Variants in C1orf159 observed in about 807,000 individuals in gnomAD.
C1orf159 encodes the protein chromosome 1 open reading frame 159, also known as uncharacterized protein C1orf159.
A neutral mutation model predicts 25.6 loss-of-function variants in C1orf159; 19 were observed. The observed-to-expected ratio is 0.74, with a 90% confidence interval of 0.52 to 1.09. The LOEUF (loss-of-function observed/expected upper bound fraction) is 1.09, where lower values mean the gene tolerates loss of function less well. Among genes scored for constraint, C1orf159 ranks in the 50% least tolerant of loss-of-function variants. C1orf159 has a pLI of 0.00. For missense variants in C1orf159, 274 were observed against 290.6 expected (o/e 0.94, Z 0.42); for synonymous variants, 139 against 124.7 (o/e 1.12, Z -0.77).
chr1:1,110,754 G>A lies in C1orf159; in HGVS notation c.-136+5306C>T, dbSNP rs970865303. Among the ~76,000 whole-genome samples, 5 of 152,314 alleles carry A rather than the reference G, an allele frequency of 3.3e-5. No homozygotes were observed. The highest frequency in any genetic ancestry group is 5.9e-5 in the Non-Finnish European group (4 of 68,024). ...CTTCAGACAGCGGAAACCCACCCGG[G>A]CGCCCTCAGAGACGACGAGCACGCA... On this transcript the variant is annotated intron_variant, in intron 1 of 9. Coordinates refer to ENST00000421241, the MANE Select transcript of C1orf159 (RefSeq NM_017891.5). This position sits in a 1 kb window ranked among gnomAD's most constrained non-coding sequence, Gnocchi z 4.8.
At chr1:1,097,935 T>C (rs936505501) in intron 1 of C1orf159, among the ~76,000 whole-genome samples, 3 of 152,208 alleles carry the variant, frequency 2.0e-5, no homozygotes, top group Non-Finnish European at 1.5e-5. Context: ...GGTCTCTGCT[T>C]TCATGCCTTT....
chr1:1,099,494 T>A (rs1221741062), intron 1 of C1orf159, among the ~76,000 whole-genome samples: 8,125 of 114,740 alleles, frequency 0.071, 880 homozygotes, highest in African/African-American at 0.18. Context: ...GGTTAAAATC[T>A]CCGACTATGA....
chr1:1,089,213 G>A lies in C1orf159; in HGVS notation c.148+1140C>T, dbSNP rs1047056860. ...CTGCGCCTGTGCATGGGGCCACCTC[G>A]GCCCTTGGACTTCACGACCCGCTGG... is the stretch of plus-strand genomic sequence containing the variant. On this transcript the variant is annotated intron_variant, in intron 4 of 9. Coordinates refer to ENST00000421241, the MANE Select transcript of C1orf159 (RefSeq NM_017891.5). This position sits in a 1 kb window ranked among gnomAD's most constrained non-coding sequence, Gnocchi z 7.5. Among the ~76,000 whole-genome samples the A allele has an allele frequency of 2.0e-5, 3 of 152,094 alleles. No individual in the cohort carries two copies. The highest frequency in any genetic ancestry group is 2.9e-5 in the Non-Finnish European group (2 of 67,982).
At chr1:1,083,184 GCTTCC>G in intron 9 of C1orf159, 197 bp from the exon 10 acceptor site, 1 of 549,238 alleles carries the variant, frequency 1.8e-6, no homozygotes, top group South Asian at 2.3e-5. Context: ...GAAAGGGACG[GCTTCC>G]TCCTGCCCGG....
chr1:1,104,418 A>C (rs1038691442), intron 1 of C1orf159, among the ~76,000 whole-genome samples: 1 of 152,202 alleles, frequency 6.6e-6, no homozygotes, highest in African/African-American at 2.4e-5. Flanking sequence ...ACTTCCCTCC[A>C]AAATCTGCCA....
chr1:1,093,811 A>G (rs1358227176), intron 1 of C1orf159, among the ~76,000 whole-genome samples: 4 of 152,164 alleles, frequency 2.6e-5, no homozygotes, highest in African/African-American at 9.7e-5. Flanking sequence ...TTGGGAGCAG[A>G]GTGGCTGGCT....
chr1:1,105,605 C>G (rs6697379), intron 1 of C1orf159, among the ~76,000 whole-genome samples: 36,406 of 151,892 alleles, frequency 0.24, 5,889 homozygotes, highest in African/African-American at 0.46. Context: ...GTGTGGACCA[C>G]GCATGGTGGC....
intron 3 of C1orf159, 36 bp from the exon 4 acceptor site, chr1:1,090,464 C>G: frequency 6.5e-7 from 1 of 1,547,384 alleles, no homozygotes; most frequent in Non-Finnish European, 8.7e-7. Flanking sequence ...CCAGGACGCG[C>G]CTGCCAGGCA....
At position 1,087,988 on chromosome 1, in the gene C1orf159, CG is replaced by C. The variant is rs1645861779; in HGVS notation, c.149-392del. 6.6e-6 allele frequency among the ~76,000 whole-genome samples: 1 copy of C among 151,954 alleles called. No individual in the cohort carries two copies. The highest frequency in any genetic ancestry group is 1.5e-5 in the Non-Finnish European group (1 of 67,984). ...CCCCGACCCTGAGTACTCCACACTG[CG>C]TACTTCAGAGAGTGGTAGGCGGCAG... On this transcript the variant is annotated intron_variant, in intron 4 of 9. Coordinates refer to ENST00000421241, the MANE Select transcript of C1orf159 (RefSeq NM_017891.5). This position sits in a 1 kb window ranked among gnomAD's most constrained non-coding sequence, Gnocchi z 8.3.
chr1:1,096,043 T>G (rs968860412), intron 1 of C1orf159, among the ~76,000 whole-genome samples: 1 of 152,228 alleles, frequency 6.6e-6, no homozygotes, highest in Non-Finnish European at 1.5e-5. Flanking sequence ...TGTACTGCCC[T>G]CTTAGGCTAT....
At chr1:1,106,010 CTGAGGTTCTG>C (rs1421303823) in intron 1 of C1orf159, 1 of 152,162 alleles carries the variant, frequency 6.6e-6, no homozygotes. Context: ...AGTCCGCTCG[CTGAGGTTCTG>C]TGAAGTACAT....
At chr1:1,114,986 AAGTAACCAAACACCACCTGTACCCC>A (rs1472364431) in intron 1 of C1orf159, 1 of 152,234 alleles carries the variant, frequency 6.6e-6, no homozygotes, top group African/African-American at 2.4e-5. Flanking sequence ...CCATGTAACC[AAGTAACCAAACACCACCTGTACCCC>A]AGTAACTTAC....
chr1:1,083,155 C>A (rs1645772267), intron 9 of C1orf159, 168 bp from the exon 10 acceptor site: 3 of 565,254 alleles, frequency 5.3e-6, no homozygotes, highest in East Asian at 6.3e-5. Flanking sequence ...CCTAAGGCGC[C>A]CTCAGAGCTC....
chr1:1,093,479 CCA>C (rs1025359595), intron 1 of C1orf159, among the ~76,000 whole-genome samples: 6 of 152,338 alleles, frequency 3.9e-5, no homozygotes, highest in African/African-American at 9.6e-5. Context: ...GTGCCCGGTC[CCA>C]CACAGCTGCC....
chr1:1,110,238 C>A lies in C1orf159; in HGVS notation c.-136+5822G>T, dbSNP rs1646238965. 6.6e-6 allele frequency among the ~76,000 whole-genome samples: 1 copy of A among 152,142 alleles called. No homozygotes were observed. The highest frequency in any genetic ancestry group is 1.5e-5 in the Non-Finnish European group (1 of 68,034). ...TGGCAGTATAACCAGGTGTGTCCAA[C>A]CTCCCATCCTTTTATGGCCGGAAAC... On this transcript the variant is annotated intron_variant, in intron 1 of 9. Transcript: ENST00000421241. The surrounding 1 kb of genome is among the most constrained non-coding windows in gnomAD (Gnocchi z 4.8).
chr1:1,102,951 C>T (rs981787996), intron 1 of C1orf159, among the ~76,000 whole-genome samples: 38 of 151,986 alleles, frequency 2.5e-4, no homozygotes, highest in African/African-American at 8.4e-4. Context: ...GCCTCAGCCT[C>T]CCGAGTAGCT....
intron 1 of C1orf159, among the ~76,000 whole-genome samples, chr1:1,112,191 T>A (rs1646266829): frequency 6.6e-6 from 1 of 152,112 alleles, no homozygotes; most frequent in African/African-American, 2.4e-5. Flanking sequence ...AGGCTCCCAA[T>A]AGCTAGAAAA....
chr1:1,086,107 C>A, intron 6 of C1orf159, 95 bp from the exon 7 acceptor site: 1 of 1,453,266 alleles, frequency 6.9e-7, no homozygotes, highest in South Asian at 1.2e-5. Context: ...ATGCGCTGCT[C>A]TCTGAACATG....
At chr1:1,091,324 G>GAC in intron 3 of C1orf159, 148 bp downstream of exon 3, 1 of 812,568 alleles carries the variant, frequency 1.2e-6, no homozygotes. Flanking sequence ...AGGCCCCTCT[G>GAC]ACCCCAGCAG....
Sources: allele counts gnomAD v4.1 joint callset (sites outside exome capture counted in the v4.1 genomes callset), GRCh38; gene constraint gnomAD v4.1.1; non-coding constraint Gnocchi (gnomAD v3.1); transcripts MANE v1.5; gene names NCBI Gene and HGNC (gene_info 2026-07-23, HGNC 2026-07-21).